Variants in ADAM12 observed in about 807,000 individuals in gnomAD.
ADAM12 encodes the protein disintegrin and metalloproteinase domain-containing protein 12.
In ADAM12, 70 loss-of-function variants were observed where a neutral mutation model predicts 106.4. That is an observed-to-expected ratio of 0.66 (90% CI 0.54 to 0.80). The LOEUF is 0.80. Among genes scored for constraint, ADAM12 ranks in the 30% least tolerant of loss-of-function variants. The pLI, the probability that ADAM12 is intolerant of heterozygous loss-of-function variation, is 0.00. For missense variants in ADAM12, 1,010 were observed against 1,171.9 expected (o/e 0.86, Z 2.02); for synonymous variants, 420 against 433.5 (o/e 0.97, Z 0.39).
At chr10:126,134,887 A>G (rs1042297767) in intron 5 of ADAM12, among the ~76,000 whole-genome samples, 1 of 152,190 alleles carries the variant, frequency 6.6e-6, no homozygotes, top group East Asian at 1.9e-4. Flanking sequence ...GGTTACAAAC[A>G]TTTAGTTCAC....
At chr10:126,088,955 T>G (rs1008422995) in intron 11 of ADAM12, among the ~76,000 whole-genome samples, 2 of 150,986 alleles carry the variant, frequency 1.3e-5, no homozygotes, top group African/African-American at 4.9e-5. Flanking sequence ...CTCAGCTTAA[T>G]GTGAATGATT....
intron 1 of ADAM12, among the ~76,000 whole-genome samples, chr10:126,378,857 T>C (rs183083613): frequency 1.3e-5 from 2 of 152,358 alleles, no homozygotes; most frequent in East Asian, 3.9e-4. Context: ...AATCATCTTT[T>C]ATATGATATT....
At chr10:126,303,102 G>A (rs1275442339) in intron 2 of ADAM12, among the ~76,000 whole-genome samples, 1 of 152,180 alleles carries the variant, frequency 6.6e-6, no homozygotes, top group Non-Finnish European at 1.5e-5. Flanking sequence ...TATTTGATGT[G>A]TGAAACATTT....
intron 2 of ADAM12, among the ~76,000 whole-genome samples, chr10:126,321,912 G>GGC (rs1471366149): frequency 2.2e-5 from 3 of 138,580 alleles, no homozygotes; most frequent in Admixed American, 7.3e-5. Context: ...GGTCGGGGGG[G>GGC]GGGCTTCAGC....
intron 3 of ADAM12, among the ~76,000 whole-genome samples, chr10:126,255,900 C>T (rs1333751633): frequency 1.3e-5 from 2 of 152,156 alleles, no homozygotes; most frequent in Admixed American, 6.5e-5. Context: ...CCAGCTAGTG[C>T]AGGCTGTCCA....
chr10:126,058,376 T>G (rs1954679245), intron 14 of ADAM12, among the ~76,000 whole-genome samples: 1 of 152,246 alleles, frequency 6.6e-6, no homozygotes, highest in African/African-American at 2.4e-5. Context: ...GCAGCCTGGG[T>G]AAATGAACGC....
At chr10:126,182,162 G>A (rs1335997119) in intron 3 of ADAM12, among the ~76,000 whole-genome samples, 1 of 152,220 alleles carries the variant, frequency 6.6e-6, no homozygotes, top group African/African-American at 2.4e-5. Context: ...CTGGTGGCTG[G>A]TGAGTTTCCT....
In ADAM12 at chr10:126,255,893, G is replaced by A. The variant is rs149003142; in HGVS notation, c.260+23022C>T. On this transcript the variant is annotated intron_variant, in intron 3 of 22. Coordinates refer to ENST00000448723, the MANE Select transcript of ADAM12 (RefSeq NM_001288973.2). ...CTCGCCTCTACCGGAGCCAGATCCAGCTAGTGCAGGCTGTCCAAGGGCCTT... is the reference window on the plus strand; with the variant it reads ...CTCGCCTCTACCGGAGCCAGATCCAACTAGTGCAGGCTGTCCAAGGGCCTT... 6.0e-3 allele frequency among the ~76,000 whole-genome samples: 913 copies of A among 152,306 alleles called. 10 individuals carry two copies. Among genetic ancestry groups the A allele is most frequent in the African/African-American group, 0.021 (878 of 41,564 alleles).
chr10:126,014,861 A>ATAAG lies in ADAM12; in HGVS notation c.*2414_*2417dup, dbSNP rs1225117224. 10 of 151,156 alleles carry ATAAG rather than the reference A, an allele frequency of 6.6e-5. No individual in the cohort carries two copies. Among genetic ancestry groups the ATAAG allele is most frequent in the African/African-American group, 2.5e-4 (10 of 40,468 alleles). The allele number at this position is 151,156 out of a possible 1,614,324, so 9.4% of individuals were successfully genotyped here. ...AAAAATACTAGATTGCCATTGAAAT[A>ATAAG]TAAGTATTGATTTTTTTTGTTTTGA... is the stretch of plus-strand genomic sequence containing the variant. On this transcript the variant is annotated 3_prime_UTR_variant, in exon 23 of 23. Transcript: ENST00000448723.
chr10:126,314,219 T>C (rs926073278), intron 2 of ADAM12, among the ~76,000 whole-genome samples: 6 of 152,134 alleles, frequency 3.9e-5, no homozygotes, highest in African/African-American at 1.4e-4. Flanking sequence ...GGAAGTAAGC[T>C]TGGAGAGAGG....
chr10:126,153,345 T>C (rs1024257176), intron 4 of ADAM12, among the ~76,000 whole-genome samples: 2 of 152,208 alleles, frequency 1.3e-5, no homozygotes, highest in Non-Finnish European at 2.9e-5. Flanking sequence ...TCCTTGGTGT[T>C]CTGCATTTTC....
chr10:126,027,706 A>G (rs1027264694), intron 21 of ADAM12, among the ~76,000 whole-genome samples: 1 of 152,218 alleles, frequency 6.6e-6, no homozygotes, highest in African/African-American at 2.4e-5. Context: ...GTATTAAAGG[A>G]ACATACCTCA....
intron 1 of ADAM12, among the ~76,000 whole-genome samples, chr10:126,368,644 T>TTTG (rs1554876370): frequency 7.7e-5 from 8 of 104,222 alleles, no homozygotes; most frequent in African/African-American, 2.4e-4. Context: ...CTGATGTAAG[T>TTTG]TTGTTGTTGT....
intron 3 of ADAM12, among the ~76,000 whole-genome samples, chr10:126,171,978 GA>G (rs570317250): frequency 6.6e-6 from 1 of 152,034 alleles, no homozygotes; most frequent in East Asian, 1.9e-4. Context: ...TGTGTCTGGG[GA>G]AAAAAATAGC....
intron 2 of ADAM12, among the ~76,000 whole-genome samples, chr10:126,295,908 CAA>C (rs1491281077): frequency 1.1e-5 from 1 of 92,202 alleles, no homozygotes; most frequent in African/African-American, 3.3e-5. Context: ...CACACACACA[CAA>C]ACACACACAC....
chr10:126,139,119 T>C (rs992207085), intron 4 of ADAM12, among the ~76,000 whole-genome samples: 3 of 152,212 alleles, frequency 2.0e-5, no homozygotes, highest in Admixed American at 6.5e-5. Context: ...CAATAACCCA[T>C]TGAGATCTCA....
chr10:126,089,375 A>AAGAGT (rs1955420104), intron 11 of ADAM12, among the ~76,000 whole-genome samples: 1 of 152,140 alleles, frequency 6.6e-6, no homozygotes, highest in Non-Finnish European at 1.5e-5. Flanking sequence ...CTGGTGAAGG[A>AAGAGT]TCCTTCCTCT....
At chr10:126,078,326 GA>G in intron 11 of ADAM12, among the ~76,000 whole-genome samples, 1 of 152,248 alleles carries the variant, frequency 6.6e-6, no homozygotes, top group Non-Finnish European at 1.5e-5. Context: ...AATATGACCT[GA>G]ACCTGGTCCC....
At chr10:126,303,357 A>G (rs1423547267) in intron 2 of ADAM12, among the ~76,000 whole-genome samples, 2 of 152,196 alleles carry the variant, frequency 1.3e-5, no homozygotes, top group Non-Finnish European at 2.9e-5. Context: ...CAAAACTGTC[A>G]TTTTCCCTTT....
Sources: allele counts gnomAD v4.1 joint callset (sites outside exome capture counted in the v4.1 genomes callset), GRCh38; gene constraint gnomAD v4.1.1; transcripts MANE v1.5; gene names NCBI Gene and HGNC (gene_info 2026-07-23, HGNC 2026-07-21).